Variants in SGK3 observed in about 807,000 individuals in gnomAD.
The protein encoded by SGK3 is serine/threonine-protein kinase Sgk3.
SGK3 carries 47 observed loss-of-function variants against 68.5 expected under a neutral mutation model. That is an observed-to-expected ratio of 0.69 (90% confidence interval 0.54 to 0.87). The LOEUF (loss-of-function observed/expected upper bound fraction) is 0.87, where lower values mean the gene tolerates loss of function less well. Ranked by LOEUF, SGK3 falls within the 40% of genes least tolerant of loss-of-function variation. The pLI, the probability that SGK3 is intolerant of heterozygous loss-of-function variation, is 0.00. For missense variants in SGK3, 479 were observed against 575.5 expected (o/e 0.83, Z 1.72); for synonymous variants, 181 against 189.1 (o/e 0.96, Z 0.35).
intron 1 of SGK3, among the ~76,000 whole-genome samples, chr8:66,718,292 T>A (rs1804698080): frequency 6.6e-6 from 1 of 152,098 alleles, no homozygotes; most frequent in African/African-American, 2.4e-5. Context: ...CCCAAAGTGC[T>A]GGGATTACAG....
At chr8:66,769,840 A>C (rs1806450534) in intron 1 of SGK3, among the ~76,000 whole-genome samples, 1 of 152,156 alleles carries the variant, frequency 6.6e-6, no homozygotes, top group Non-Finnish European at 1.5e-5. Context: ...TCAAAGTGGG[A>C]TTACAGGCGT....
chr8:66,768,145 C>A, intron 1 of SGK3: 2 of 371,624 alleles, frequency 5.4e-6, no homozygotes, highest in Non-Finnish European at 1.0e-5. Flanking sequence ...ACTTCCATGT[C>A]TCTAATGCTA....
intron 15 of SGK3, among the ~76,000 whole-genome samples, chr8:66,849,956 A>G (rs1472643629): frequency 2.0e-5 from 3 of 152,256 alleles, no homozygotes; most frequent in Admixed American, 2.0e-4. Flanking sequence ...CAGTTGTGAC[A>G]TTCTCATAAC....
chr8:66,815,267 T>G (rs183707468), intron 5 of SGK3, among the ~76,000 whole-genome samples: 1 of 152,176 alleles, frequency 6.6e-6, no homozygotes, highest in African/African-American at 2.4e-5. Flanking sequence ...GTCAGAGATA[T>G]GGATTTCCCC....
chr8:66,802,788 AAC>A (rs1808000521), intron 3 of SGK3, among the ~76,000 whole-genome samples: 1 of 152,008 alleles, frequency 6.6e-6, no homozygotes, highest in African/African-American at 2.4e-5. Context: ...TTAATTATCA[AAC>A]ACATACAGAA....
chr8:66,858,868 G>A (rs1303951127), intron 16 of SGK3, among the ~76,000 whole-genome samples: 1 of 152,020 alleles, frequency 6.6e-6, no homozygotes, highest in East Asian at 1.9e-4. Context: ...CTTCCAATGT[G>A]GCCCAGGGGA....
At chr8:66,723,133 T>A (rs28821907) in intron 1 of SGK3, among the ~76,000 whole-genome samples, 803 of 32,506 alleles carry the variant, frequency 0.025, 3 homozygotes, top group Non-Finnish European at 0.031. Context: ...ATATATATAT[T>A]TTTTTTTTTT....
intron 10 of SGK3, 109 bp from the exon 11 acceptor site, chr8:66,839,894 T>A (rs1809728480): frequency 1.9e-6 from 2 of 1,038,754 alleles, no homozygotes; most frequent in African/African-American, 1.6e-5. Context: ...ACATTCAAAG[T>A]AACAAAGAAC....
chr8:66,799,492 T>C (rs1168298610), intron 3 of SGK3, among the ~76,000 whole-genome samples: 2 of 152,232 alleles, frequency 1.3e-5, no homozygotes, highest in Admixed American at 6.5e-5. Context: ...AGATCATACG[T>C]AGAAGCTAAA....
At chr8:66,761,059 A>C (rs900045657) in intron 1 of SGK3, among the ~76,000 whole-genome samples, 4 of 151,986 alleles carry the variant, frequency 2.6e-5, no homozygotes, top group Non-Finnish European at 2.9e-5. Flanking sequence ...GTCAAGATTG[A>C]ATAAAATTAG....
intron 4 of SGK3, among the ~76,000 whole-genome samples, chr8:66,808,671 C>T (rs1808260209): frequency 6.6e-6 from 1 of 151,184 alleles, no homozygotes; most frequent in South Asian, 2.1e-4. Flanking sequence ...CGCCACCACA[C>T]CTGGTTAATT....
At chr8:66,828,819 A>G in intron 7 of SGK3, 116 bp downstream of exon 7, 1 of 1,320,460 alleles carries the variant, frequency 7.6e-7, no homozygotes, top group Non-Finnish European at 1.1e-6. Context: ...AAATATAACC[A>G]TAGTTACAGT....
intron 1 of SGK3, among the ~76,000 whole-genome samples, chr8:66,758,402 T>G (rs568098010): frequency 1.3e-5 from 2 of 152,248 alleles, no homozygotes; most frequent in East Asian, 3.9e-4. Context: ...TTTCCAAAGC[T>G]GAAAAAATTA....
chr8:66,718,718 G>A (rs1447914424), intron 1 of SGK3, among the ~76,000 whole-genome samples: 1 of 151,910 alleles, frequency 6.6e-6, no homozygotes, highest in Non-Finnish European at 1.5e-5. Flanking sequence ...AGTTGAGACA[G>A]GGTTTCTCCA....
chr8:66,729,733 ATT>A (rs1181337410), intron 1 of SGK3, among the ~76,000 whole-genome samples: 3 of 130,704 alleles, frequency 2.3e-5, no homozygotes, highest in African/African-American at 1.1e-4. Flanking sequence ...TTATTTATTT[ATT>A]TTTATTTATT....
chr8:66,832,609 A>G (rs1291776974), intron 8 of SGK3, among the ~76,000 whole-genome samples: 1 of 152,178 alleles, frequency 6.6e-6, no homozygotes, highest in Non-Finnish European at 1.5e-5. Flanking sequence ...CAAAAGCATT[A>G]TCTGTCATTA....
intron 3 of SGK3, among the ~76,000 whole-genome samples, chr8:66,800,169 G>A (rs539106806): frequency 5.3e-5 from 8 of 151,608 alleles, no homozygotes; most frequent in Admixed American, 3.3e-4. Context: ...GTGAAACCCC[G>A]TCTCTACTAA....
intron 1 of SGK3, among the ~76,000 whole-genome samples, chr8:66,741,449 C>T (rs930728731): frequency 1.3e-5 from 2 of 151,794 alleles, no homozygotes; most frequent in Non-Finnish European, 2.9e-5. Flanking sequence ...CGGGAGGCCT[C>T]TGAGGCATGA....
intron 2 of SGK3, 47 bp downstream of exon 2, chr8:66,793,879 A>G: frequency 6.3e-7 from 1 of 1,578,910 alleles, no homozygotes; most frequent in South Asian, 1.1e-5. Flanking sequence ...GAATGTAGAG[A>G]ATATTTTCAT....
Sources: gnomAD v4.1 joint callset for allele counts (sites outside exome capture counted in the v4.1 genomes callset) on GRCh38, gnomAD v4.1.1 for gene constraint, MANE v1.5 for transcripts, NCBI Gene and HGNC (gene_info 2026-07-23, HGNC 2026-07-21) for gene names.